Variants in NDUFAF2 observed in about 807,000 individuals in gnomAD.
NDUFAF2 encodes the protein NADH:ubiquinone oxidoreductase complex assembly factor 2, also known as NADH dehydrogenase [ubiquinone] 1 alpha subcomplex assembly factor 2.
A neutral mutation model predicts 22.8 loss-of-function variants in NDUFAF2; 13 were observed. The observed-to-expected ratio is 0.57, with a 90% CI of 0.37 to 0.91. NDUFAF2 has a LOEUF of 0.91. Among genes scored for constraint, NDUFAF2 ranks in the 40% least tolerant of loss-of-function variants. The pLI, the probability that NDUFAF2 is intolerant of heterozygous loss-of-function variation, is 0.01. For synonymous variants in NDUFAF2, 53 were observed against 64.2 expected (o/e 0.83, Z 0.84); for missense variants, 162 against 195.2 (o/e 0.83, Z 1.01).
At chr5:61,114,058 AT>A (rs1358919246) in intron 3 of NDUFAF2, among the ~76,000 whole-genome samples, 3 of 152,122 alleles carry the variant, frequency 2.0e-5, no homozygotes, top group Admixed American at 6.6e-5. Context: ...ATACTTGAAT[AT>A]TGATATCTTT....
chr5:61,111,176 T>C (rs1419552364), intron 3 of NDUFAF2, among the ~76,000 whole-genome samples: 2 of 152,202 alleles, frequency 1.3e-5, no homozygotes, highest in Non-Finnish European at 2.9e-5. Context: ...TCAGAGAAGA[T>C]ACTCGAGATA....
chr5:61,016,560 T>C (rs1422241297), intron 1 of NDUFAF2, among the ~76,000 whole-genome samples: 1 of 152,178 alleles, frequency 6.6e-6, no homozygotes, highest in Non-Finnish European at 1.5e-5. Context: ...TTTCACTAAT[T>C]TTGCCTTCTA....
chr5:61,066,600 G>T (rs1260064036), intron 1 of NDUFAF2, among the ~76,000 whole-genome samples: 1 of 49,322 alleles, frequency 2.0e-5, no homozygotes, highest in Admixed American at 2.2e-4. Context: ...ACTAATTTTT[G>T]ATCAAAAAAA....
At chr5:60,958,774 A>T (rs1405007019) in intron 1 of NDUFAF2, among the ~76,000 whole-genome samples, 1 of 152,124 alleles carries the variant, frequency 6.6e-6, no homozygotes, top group Non-Finnish European at 1.5e-5. Flanking sequence ...GATGCTTAAG[A>T]TATACTTTTC....
chr5:61,013,948 G>A (rs749633333), intron 1 of NDUFAF2, among the ~76,000 whole-genome samples: 1 of 152,128 alleles, frequency 6.6e-6, no homozygotes, highest in Non-Finnish European at 1.5e-5. Flanking sequence ...TTGTAGGTGT[G>A]GTACCATGGG....
chr5:61,108,503 T>C (rs781661498), intron 3 of NDUFAF2, among the ~76,000 whole-genome samples: 6 of 151,464 alleles, frequency 4.0e-5, no homozygotes, highest in Non-Finnish European at 8.8e-5. Flanking sequence ...AAGACATTTA[T>C]GCAGCTTATG....
At chr5:61,014,899 A>T (rs976870907) in intron 1 of NDUFAF2, among the ~76,000 whole-genome samples, 8 of 152,222 alleles carry the variant, frequency 5.3e-5, no homozygotes, top group African/African-American at 1.9e-4. Context: ...CTTTGGTTTT[A>T]TAAGTTTTAG....
intron 1 of NDUFAF2, among the ~76,000 whole-genome samples, chr5:61,070,653 A>G (rs1413150744): frequency 6.6e-6 from 1 of 151,798 alleles, no homozygotes; most frequent in Non-Finnish European, 1.5e-5. Context: ...ACAAATAGGC[A>G]TAACTTTTGA....
Position 61,111,456 on chromosome 5 carries a change from A to G in NDUFAF2, c.258+12424A>G, listed in dbSNP as rs181782264. Among the ~76,000 whole-genome samples the G allele has an allele frequency of 1.3e-4, 20 of 152,082 alleles. No individual in the cohort carries two copies. In the East Asian group the frequency reaches 3.7e-3, roughly 28 times the overall value. ...TATTTATTATTTATTTATTTATTTA[A>G]AATGGGGTCTCACTCTGTCACCCAG... is the stretch of plus-strand genomic sequence containing the variant. On this transcript the variant is annotated intron_variant, in intron 3 of 3. Coordinates refer to ENST00000296597, the MANE Select transcript of NDUFAF2 (RefSeq NM_174889.5).
Position 61,118,860 on chromosome 5 carries a change from C to T in NDUFAF2, c.258+19828C>T, listed in dbSNP as rs762958629. On this transcript the variant is annotated intron_variant, in intron 3 of 3. Coordinates refer to ENST00000296597, the MANE Select transcript of NDUFAF2 (RefSeq NM_174889.5). ...TTCATGAAAATGATAGATGAGAAAC[C>T]GGGTAGTTATTATCTCTGGGGAAGG... Among the ~76,000 whole-genome samples the T allele has an allele frequency of 4.0e-4, 61 of 151,802 alleles. 1 individual carries two copies. The highest frequency in any genetic ancestry group is 1.9e-4 in the East Asian group (1 of 5,190).
intron 1 of NDUFAF2, among the ~76,000 whole-genome samples, chr5:61,012,405 A>G (rs1751453598): frequency 6.6e-6 from 1 of 152,168 alleles, no homozygotes; most frequent in Admixed American, 6.6e-5. Context: ...TATTGAAGAC[A>G]TAGCTATTAC....
chr5:61,095,064 G>T (rs1296908721), intron 2 of NDUFAF2, among the ~76,000 whole-genome samples: 1 of 151,722 alleles, frequency 6.6e-6, no homozygotes, highest in African/African-American at 2.4e-5. Context: ...AGCCTGGAAT[G>T]GCTATGTCAC....
chr5:60,997,021 A>G (rs758615928), intron 1 of NDUFAF2, among the ~76,000 whole-genome samples: 2 of 152,140 alleles, frequency 1.3e-5, no homozygotes, highest in African/African-American at 4.8e-5. Context: ...TGGGGGGACA[A>G]TTGGTGGAGC....
At chr5:61,029,955 A>G (rs1751701723) in intron 1 of NDUFAF2, among the ~76,000 whole-genome samples, 2 of 152,100 alleles carry the variant, frequency 1.3e-5, no homozygotes, top group African/African-American at 4.8e-5. Context: ...GAGAACTGGG[A>G]ACTATGGTGA....
intron 1 of NDUFAF2, among the ~76,000 whole-genome samples, chr5:61,004,256 A>G (rs1470217134): frequency 6.6e-6 from 1 of 152,008 alleles, no homozygotes; most frequent in Non-Finnish European, 1.5e-5. Context: ...CATATATCTC[A>G]TGTACTTTCT....
chr5:60,955,451 C>T (rs572807349), intron 1 of NDUFAF2, among the ~76,000 whole-genome samples: 2 of 152,160 alleles, frequency 1.3e-5, no homozygotes, highest in Admixed American at 6.5e-5. Flanking sequence ...TGGTACCATA[C>T]TGTTTTGATT....
chr5:61,102,084 CCA>C (rs1403323889), intron 3 of NDUFAF2, among the ~76,000 whole-genome samples: 1 of 152,004 alleles, frequency 6.6e-6, no homozygotes, highest in Admixed American at 6.6e-5. Context: ...GGTTCATAGC[CCA>C]TATTTTGTGA....
intron 1 of NDUFAF2, among the ~76,000 whole-genome samples, chr5:61,014,259 T>G (rs1310339424): frequency 2.0e-5 from 3 of 152,210 alleles, no homozygotes; most frequent in African/African-American, 7.2e-5. Context: ...TGAAAACCCC[T>G]AAATGGCAGA....
chr5:61,074,594 ACAAAAAATT>A (rs200932728), intron 2 of NDUFAF2, among the ~76,000 whole-genome samples: 1,740 of 147,606 alleles, frequency 0.012, 16 homozygotes, highest in South Asian at 0.039. Flanking sequence ...TCAGAAAATA[ACAAAAAATT>A]CAAAAAATTA....
Sources: gnomAD v4.1 joint callset for allele counts (sites outside exome capture counted in the v4.1 genomes callset) on GRCh38, gnomAD v4.1.1 for gene constraint, MANE v1.5 for transcripts, NCBI Gene and HGNC (gene_info 2026-07-23, HGNC 2026-07-21) for gene names.